HNF4A: variants seen among roughly 807,000 people sequenced by gnomAD.
HNF4A encodes hepatocyte nuclear factor 4-alpha.
In HNF4A, 15 loss-of-function variants were observed where a neutral mutation model predicts 52.4. That is an observed-to-expected ratio of 0.29 (90% confidence interval 0.19 to 0.44). The LOEUF (loss-of-function observed/expected upper bound fraction) is 0.44. HNF4A is among the 20% of genes least tolerant of loss of function. The probability of loss-of-function intolerance (pLI) is 1.00; values close to 1 mark genes in which losing one functional copy is unlikely to be tolerated. For missense variants in HNF4A, 479 were observed against 647.2 expected (o/e 0.74, Z 2.82); for synonymous variants, 280 against 264.4 (o/e 1.06, Z -0.57).
upstream of HNF4A, among the ~76,000 whole-genome samples, chr20:44,399,643 C>T (rs1189805892): frequency 6.6e-6 from 1 of 152,172 alleles, no homozygotes; most frequent in East Asian, 1.9e-4. Flanking sequence ...TTCACTCATT[C>T]ACTCACTCAT....
chr20:44,407,411 C>T lies in HNF4A; in HGVS notation c.321C>T (p.Asp107=). 6.2e-7 allele frequency: 1 copy of T among 1,611,566 alleles called. No homozygotes were observed. The highest frequency in any genetic ancestry group is 8.5e-7 in the Non-Finnish European group (1 of 1,178,802). Residue 107 remains aspartate, a synonymous_variant, in exon 3 of 10, where the codon GAC becomes GAT. Transcript: ENST00000316099. Reference sequence around the variant, plus strand: ...GCCGGCAGTGCGTGGTGGACAAAGACAAGAGGAACCAGTGCCGCTACTGCA... The same window carrying T: ...GCCGGCAGTGCGTGGTGGACAAAGATAAGAGGAACCAGTGCCGCTACTGCA...
intron 7 of HNF4A, among the ~76,000 whole-genome samples, chr20:44,422,524 C>A (rs564351001): frequency 6.6e-6 from 1 of 152,048 alleles, no homozygotes; most frequent in African/African-American, 2.4e-5. Flanking sequence ...AATGCATTAC[C>A]TCCATGAAGG....
At chr20:44,390,547 G>A (rs1278316856) in intron 1 of HNF4A, 4 of 693,062 alleles carry the variant, frequency 5.8e-6, no homozygotes, top group Admixed American at 2.1e-5. Flanking sequence ...AGCGGCCCTC[G>A]CAGGGTCTGG....
At chr20:44,398,560 T>A (rs2063374045), upstream of HNF4A, among the ~76,000 whole-genome samples, 1 of 152,226 alleles carries the variant, frequency 6.6e-6, no homozygotes, top group South Asian at 2.1e-4. Context: ...GAATGAATCA[T>A]GTATGTAATA....
At chr20:44,373,687 T>TA (rs1210307978) in intron 1 of HNF4A, among the ~76,000 whole-genome samples, 1 of 152,010 alleles carries the variant, frequency 6.6e-6, no homozygotes, top group African/African-American at 2.4e-5. Context: ...CTTTTTTTTT[T>TA]AAATTAAACT....
intron 1 of HNF4A, among the ~76,000 whole-genome samples, chr20:44,382,521 G>A (rs2063168454): frequency 6.6e-6 from 1 of 152,094 alleles, no homozygotes; most frequent in East Asian, 1.9e-4. Flanking sequence ...ACAGGCATGA[G>A]CCATGCCGCT....
rs56343153 is a variant in HNF4A, at chr20:44,429,970, A to C, written c.*305A>C. The stretch of plus-strand genomic sequence containing the variant: ...ATGTCCAACCCCCGACTTCATCCCA[A>C]AGGACAGCCGCCTGGAGATGACTTG... On this transcript the variant is annotated 3_prime_UTR_variant, in exon 10 of 10. Transcript: ENST00000316099. 3 of 393,586 alleles carry C rather than the reference A, an allele frequency of 7.6e-6. No homozygotes were observed. Among genetic ancestry groups the C allele is most frequent in the East Asian group, 1.0e-4 (2 of 19,896 alleles). 24.4% of individuals were successfully genotyped at this position (393,586 alleles called of 1,614,324 possible).
At chr20:44,433,158 A>T (rs1487971596), downstream of HNF4A, 1 of 152,072 alleles carries the variant, frequency 6.6e-6, no homozygotes, top group Non-Finnish European at 1.5e-5. Flanking sequence ...CGAGAGAGTG[A>T]AAGTTGATCC....
intron 1 of HNF4A, among the ~76,000 whole-genome samples, chr20:44,364,847 G>A (rs955498557): frequency 1.4e-4 from 22 of 152,188 alleles, no homozygotes; most frequent in African/African-American, 5.3e-4. Context: ...TAAGTTAGAA[G>A]TTTATTGACC....
At chr20:44,394,130 A>G (rs1045051695) in intron 1 of HNF4A, among the ~76,000 whole-genome samples, 2 of 152,148 alleles carry the variant, frequency 1.3e-5, no homozygotes, top group African/African-American at 2.4e-5. Context: ...AATGGCTCTC[A>G]GGCACCTCTC....
At chr20:44,403,727 C>T (rs2063442627) in intron 1 of HNF4A, among the ~76,000 whole-genome samples, 1 of 152,202 alleles carries the variant, frequency 6.6e-6, no homozygotes, top group African/African-American at 2.4e-5. Flanking sequence ...GGACCATAAA[C>T]CCATGGCTCT....
At chr20:44,375,230 C>T (rs1474628038) in intron 1 of HNF4A, among the ~76,000 whole-genome samples, 1 of 151,368 alleles carries the variant, frequency 6.6e-6, no homozygotes, top group Non-Finnish European at 1.5e-5. Context: ...TGTTGGGGTT[C>T]TTTGTTTTTT....
At chr20:44,418,170 A>C (rs1388948448) in intron 5 of HNF4A, among the ~76,000 whole-genome samples, 1 of 152,126 alleles carries the variant, frequency 6.6e-6, no homozygotes, top group Non-Finnish European at 1.5e-5. Flanking sequence ...GAGGCCCAGC[A>C]CGAAGCAGTT....
In HNF4A at chr20:44,404,613, T is replaced by G. The variant is rs79174693; in HGVS notation, c.116-1445T>G. Among the ~76,000 whole-genome samples, 362 of 151,696 alleles carry G rather than the reference T, an allele frequency of 2.4e-3. 1 individual carries two copies. The highest frequency in any genetic ancestry group is 0.014 in the Middle Eastern group (4 of 290). On this transcript the variant is annotated intron_variant, in intron 1 of 9. Transcript: ENST00000316099. ...GTGTGTGTTGATGTGTTTGTATGTATGCATGTGTGTGGACTATGTGCAAGT... is the reference window on the plus strand; with the variant it reads ...GTGTGTGTTGATGTGTTTGTATGTAGGCATGTGTGTGGACTATGTGCAAGT...
At chr20:44,424,812 A>G (rs1448525186) in intron 8 of HNF4A, among the ~76,000 whole-genome samples, 1 of 152,150 alleles carries the variant, frequency 6.6e-6, no homozygotes, top group African/African-American at 2.4e-5. Flanking sequence ...CGGATAGGAG[A>G]GAGTGTTGTG....
intron 1 of HNF4A, among the ~76,000 whole-genome samples, chr20:44,404,800 G>GTGTGTA (rs2063464669): frequency 0.083 from 1 of 12 alleles, no homozygotes; most frequent in Non-Finnish European, 0.12. Context: ...TGTCTGTGTG[G>GTGTGTA]TGTGTGGACT....
intron 3 of HNF4A, among the ~76,000 whole-genome samples, chr20:44,412,730 C>G (rs1299487786): frequency 6.6e-6 from 1 of 152,042 alleles, no homozygotes; most frequent in Non-Finnish European, 1.5e-5. Context: ...AGCAGCAGGT[C>G]TGTTTGTCAG....
intron 1 of HNF4A, among the ~76,000 whole-genome samples, chr20:44,376,346 T>G (rs1037293748): frequency 6.6e-6 from 1 of 152,228 alleles, no homozygotes; most frequent in South Asian, 2.1e-4. Context: ...ATTGTGCAAA[T>G]TGTATGATTT....
chr20:44,392,763 C>A (rs1022419778), intron 1 of HNF4A, among the ~76,000 whole-genome samples: 1 of 152,148 alleles, frequency 6.6e-6, no homozygotes, highest in African/African-American at 2.4e-5. Context: ...AATGACCTTG[C>A]CCAAGGACAC....
Sources: allele counts gnomAD v4.1 joint callset (sites outside exome capture counted in the v4.1 genomes callset), GRCh38; gene constraint gnomAD v4.1.1; transcripts MANE v1.5; gene names NCBI Gene and HGNC (gene_info 2026-07-23, HGNC 2026-07-21).